Variants in SPMIP11 observed in about 807,000 individuals in gnomAD.
The protein encoded by SPMIP11 is sperm microtubule inner protein 11.
chr12:48,749,910 C>T, the SPMIP11 span, among the ~76,000 whole-genome samples: 1 of 151,752 alleles, frequency 6.6e-6, no homozygotes, highest in Non-Finnish European at 1.5e-5. Context: ...CCAGGATGGT[C>T]TCGATCTCCT....
the SPMIP11 span, among the ~76,000 whole-genome samples, chr12:48,749,630 G>A: frequency 1.6e-5 from 1 of 62,308 alleles, no homozygotes; most frequent in Non-Finnish European, 2.9e-5. Context: ...AGTGAAACTC[G>A]GTGTCAAAAA....
the SPMIP11 span, among the ~76,000 whole-genome samples, chr12:48,746,353 A>G: frequency 6.8e-6 from 1 of 148,014 alleles, no homozygotes; most frequent in Non-Finnish European, 1.5e-5. Context: ...TCCAAGCACT[A>G]TAATTCCTTT....
the SPMIP11 span, among the ~76,000 whole-genome samples, chr12:48,752,064 C>CT: frequency 8.8e-6 from 1 of 113,466 alleles, no homozygotes; most frequent in Non-Finnish European, 2.0e-5. Flanking sequence ...AAGACTCTGC[C>CT]TCAAAAAAAA....
chr12:48,769,195 C>T, the SPMIP11 span: 2 of 968,798 alleles, frequency 2.1e-6, no homozygotes, highest in Middle Eastern at 2.3e-4. Context: ...TTGTAAAGAA[C>T]AATCTAGTTC....
chr12:48,735,320 T>C, the SPMIP11 span, among the ~76,000 whole-genome samples: 1 of 152,014 alleles, frequency 6.6e-6, no homozygotes, highest in Non-Finnish European at 1.5e-5. Flanking sequence ...ATAGATGTTG[T>C]TTTCAGGCCG....
chr12:48,757,441 T>C, the SPMIP11 span, among the ~76,000 whole-genome samples: 5 of 149,222 alleles, frequency 3.4e-5, no homozygotes, highest in African/African-American at 9.9e-5. Context: ...AGGTCAGGAG[T>C]TGGAGACCAG....
chr12:48,749,981 A>G, the SPMIP11 span, among the ~76,000 whole-genome samples: 4 of 150,758 alleles, frequency 2.7e-5, no homozygotes, highest in South Asian at 6.4e-4. Flanking sequence ...GTGAGCCACC[A>G]CGCCCAGCCT....
chr12:48,767,872 A>T, the SPMIP11 span: 1 of 153,230 alleles, frequency 6.5e-6, no homozygotes, highest in Non-Finnish European at 1.5e-5. Context: ...TCACAGTACC[A>T]GTGAGGCCAG....
At chr12:48,733,070 A>ATAT in the SPMIP11 span, among the ~76,000 whole-genome samples, 1 of 80,974 alleles carries the variant, frequency 1.2e-5, no homozygotes, top group Admixed American at 1.9e-4. Context: ...CCACAAGTTA[A>ATAT]TCTTTTTTTT....
chr12:48,759,320 T>C, the SPMIP11 span: 1 of 702,890 alleles, frequency 1.4e-6, no homozygotes, highest in Non-Finnish European at 2.6e-6. Flanking sequence ...CGGAAGGTGT[T>C]GTTGAAGACG....
the SPMIP11 span, among the ~76,000 whole-genome samples, chr12:48,757,580 A>T: frequency 6.6e-6 from 1 of 151,838 alleles, no homozygotes; most frequent in East Asian, 1.9e-4. Flanking sequence ...CAGGAGGCAG[A>T]TGTTGCAGTG....
At chr12:48,762,294 A>G in the SPMIP11 span, among the ~76,000 whole-genome samples, 3 of 138,802 alleles carry the variant, frequency 2.2e-5, no homozygotes, top group African/African-American at 8.3e-5. Flanking sequence ...TCCTGACCTC[A>G]TGATCCGCCC....
the SPMIP11 span, among the ~76,000 whole-genome samples, chr12:48,740,493 CTT>C: frequency 1.7e-4 from 24 of 138,422 alleles, no homozygotes; most frequent in Admixed American, 3.0e-4. Flanking sequence ...AAATGTCTCT[CTT>C]TTTTTTTTTT....
At chr12:48,764,924 A>C in the SPMIP11 span, 1 of 702,830 alleles carries the variant, frequency 1.4e-6, no homozygotes, top group African/African-American at 1.7e-5. Flanking sequence ...ATGATCCAGG[A>C]GTGCGTCCAG....
the SPMIP11 span, among the ~76,000 whole-genome samples, chr12:48,769,685 C>G: frequency 2.0e-5 from 3 of 150,014 alleles, no homozygotes; most frequent in Admixed American, 6.6e-5. Context: ...CTCCCAGGTT[C>G]AAGAGATTCT....
At chr12:48,749,828 A>T in the SPMIP11 span, among the ~76,000 whole-genome samples, 1 of 150,214 alleles carries the variant, frequency 6.7e-6, no homozygotes, top group African/African-American at 2.4e-5. Context: ...AGTAGCTGGG[A>T]CTACAGGCAC....
At chr12:48,745,687 AGC>A in the SPMIP11 span, among the ~76,000 whole-genome samples, 1 of 152,246 alleles carries the variant, frequency 6.6e-6, no homozygotes, top group East Asian at 1.9e-4. Context: ...GCATATTCTT[AGC>A]AGGGTTTTGC....
At chr12:48,757,629 G>A in the SPMIP11 span, among the ~76,000 whole-genome samples, 1 of 145,032 alleles carries the variant, frequency 6.9e-6, no homozygotes, top group African/African-American at 2.5e-5. Flanking sequence ...CTGGGTGACA[G>A]AGTGAGACTC....
At chr12:48,759,358 C>T in the SPMIP11 span, 5 of 701,182 alleles carry the variant, frequency 7.1e-6, no homozygotes, top group Admixed American at 2.0e-5. Context: ...GGGCATCATG[C>T]TAGGAGAAAA....
Sources: gnomAD v4.1 joint callset for allele counts (sites outside exome capture counted in the v4.1 genomes callset) on GRCh38, gnomAD v4.1.1 for gene constraint, MANE v1.5 for transcripts, NCBI Gene and HGNC (gene_info 2026-07-23, HGNC 2026-07-21) for gene names.